ANO1: variants seen among roughly 807,000 people sequenced by gnomAD.
The protein encoded by ANO1 is anoctamin 1, also known as anoctamin-1.
In ANO1, 59 loss-of-function variants were observed where a neutral mutation model predicts 124.0. The ratio of observed to expected loss-of-function variants is 0.48; its 90% CI spans 0.39 to 0.59. The LOEUF is 0.59. Ranked by LOEUF, ANO1 falls within the 20% of genes least tolerant of loss-of-function variation. The pLI, the probability that ANO1 is intolerant of heterozygous loss-of-function variation, is 0.00. For synonymous variants in ANO1, 529 were observed against 532.0 expected, an observed-to-expected ratio of 0.99 and a Z score of 0.08; for missense variants, 1,059 against 1,328.0, an observed-to-expected ratio of 0.80 and a Z score of 3.15.
chr11:70,017,834 T>A (rs1042768049), intron 1 of ANO1, among the ~76,000 whole-genome samples: 73 of 152,238 alleles, frequency 4.8e-4, no homozygotes, highest in Admixed American at 9.2e-4. Context: ...TTCCCATTTT[T>A]AATGAAGCCT....
chr11:70,060,878 T>G (rs1429346668), intron 1 of ANO1, among the ~76,000 whole-genome samples: 5 of 152,112 alleles, frequency 3.3e-5, no homozygotes, highest in Non-Finnish European at 5.9e-5. Context: ...AGTGCTAGTG[T>G]GGGAGTTGTC....
intron 1 of ANO1, among the ~76,000 whole-genome samples, chr11:70,067,697 G>C (rs1555008804): frequency 6.6e-6 from 1 of 152,146 alleles, no homozygotes; most frequent in Non-Finnish European, 1.5e-5. Flanking sequence ...CAGGCACCCG[G>C]TGGATGCACA....
At chr11:70,049,641 T>C (rs1404092546) in intron 1 of ANO1, among the ~76,000 whole-genome samples, 3 of 152,222 alleles carry the variant, frequency 2.0e-5, no homozygotes, top group Admixed American at 1.3e-4. Context: ...AACGAATAAG[T>C]AAGCAATATG....
At chr11:70,033,191 A>T (rs1591047297) in intron 1 of ANO1, among the ~76,000 whole-genome samples, 1 of 151,958 alleles carries the variant, frequency 6.6e-6, no homozygotes. Context: ...TTCTCATCAG[A>T]CCCTGCCAAG....
intron 23 of ANO1, among the ~76,000 whole-genome samples, chr11:70,180,743 C>G (rs953585059): frequency 2.6e-5 from 4 of 152,136 alleles, no homozygotes; most frequent in Non-Finnish European, 5.9e-5. Context: ...CACAGAGATT[C>G]CTTATTGGCA....
chr11:70,035,508 A>G (rs1218634715), intron 1 of ANO1, among the ~76,000 whole-genome samples: 1 of 142,626 alleles, frequency 7.0e-6, no homozygotes, highest in Non-Finnish European at 1.5e-5. Flanking sequence ...CTGGTAGCCC[A>G]GTAAGCTGTT....
the ANO1 span, among the ~76,000 whole-genome samples, chr11:69,973,976 GA>G: frequency 6.6e-6 from 1 of 152,048 alleles, no homozygotes; most frequent in African/African-American, 2.4e-5. Flanking sequence ...AAGTTCACAG[GA>G]AAAAATGAGG....
chr11:69,966,469 G>A, the ANO1 span, among the ~76,000 whole-genome samples: 6 of 152,318 alleles, frequency 3.9e-5, no homozygotes, highest in South Asian at 4.1e-4. Flanking sequence ...CCCCCGCCAC[G>A]CCACCTCACC....
chr11:70,030,293 G>A (rs782719578), intron 1 of ANO1, among the ~76,000 whole-genome samples: 14 of 152,204 alleles, frequency 9.2e-5, no homozygotes, highest in African/African-American at 2.2e-4. Flanking sequence ...TGTGGCTGCC[G>A]GGGATGAGGA....
chr11:70,039,944 C>T (rs1591051293), intron 1 of ANO1, among the ~76,000 whole-genome samples: 1 of 152,260 alleles, frequency 6.6e-6, no homozygotes, highest in East Asian at 1.9e-4. Flanking sequence ...AGAAAGAACT[C>T]AAGCCTCTGC....
At chr11:70,101,585 CAAA>C (rs71463659) in intron 2 of ANO1, among the ~76,000 whole-genome samples, 6 of 75,894 alleles carry the variant, frequency 7.9e-5, no homozygotes, top group African/African-American at 1.7e-4. Flanking sequence ...GATTAAAAAC[CAAA>C]AAAAAAAAAA....
At chr11:70,180,861 G>A (rs998538616) in intron 23 of ANO1, among the ~76,000 whole-genome samples, 8 of 152,196 alleles carry the variant, frequency 5.3e-5, no homozygotes, top group African/African-American at 1.9e-4. Context: ...GGGGCGAGAA[G>A]GGAGCACTCA....
chr11:70,035,658 G>A (rs1370090944), intron 1 of ANO1, among the ~76,000 whole-genome samples: 5 of 152,016 alleles, frequency 3.3e-5, no homozygotes, highest in African/African-American at 1.2e-4. Context: ...GCATGCATTA[G>A]GTATTTGTCC....
At chr11:70,103,208 G>C (rs766202862) in intron 3 of ANO1, 44 bp downstream of exon 3, 1 of 1,509,088 alleles carries the variant, frequency 6.6e-7, no homozygotes, top group Non-Finnish European at 9.0e-7. Flanking sequence ...GCCAAGTCTA[G>C]AGGTCACTTG....
intron 7 of ANO1, among the ~76,000 whole-genome samples, chr11:70,113,671 C>A (rs182230528): frequency 6.6e-6 from 1 of 152,180 alleles, no homozygotes; most frequent in East Asian, 1.9e-4. Flanking sequence ...GCTGAGGCAC[C>A]GAAGCCAAAA....
At chr11:70,167,089 G>A (rs2048283310) in intron 20 of ANO1, among the ~76,000 whole-genome samples, 153 bp from the exon 21 acceptor site, 2 of 152,230 alleles carry the variant, frequency 1.3e-5, no homozygotes, top group African/African-American at 4.8e-5. Context: ...AGAGGTTGCA[G>A]TGAGCTGAGA....
chr11:70,055,910 A>G (rs1857425407), intron 1 of ANO1, among the ~76,000 whole-genome samples: 1 of 152,102 alleles, frequency 6.6e-6, no homozygotes, highest in African/African-American at 2.4e-5. Context: ...CAATATTTAC[A>G]CCACCTTTGG....
intron 1 of ANO1, among the ~76,000 whole-genome samples, chr11:69,990,870 T>C (rs563581684): frequency 3.3e-4 from 51 of 152,368 alleles, no homozygotes; most frequent in African/African-American, 1.2e-3. Flanking sequence ...ATTAAACTTT[T>C]ATCAGCTGAA....
At position 70,078,697 on chromosome 11, in the gene ANO1, C is replaced by A; in HGVS notation, c.91C>A (p.Leu31Met). 6.7e-7 allele frequency: 1 copy of A among 1,486,770 alleles called. No individual in the cohort carries two copies. Among genetic ancestry groups the A allele is most frequent in the Non-Finnish European group, 9.0e-7 (1 of 1,106,964 alleles). The allele number at this position is 1,486,770 out of a possible 1,614,324, so 92.1% of individuals were successfully genotyped here. ...NICAIEDIGY[L>M]PSEGTLLNSL... ...CTGCGCCATCGAGGACATCGGCTAC[C>A]TGCCGTCCGAGGGCACGGTGAGTGC... is the stretch of plus-strand genomic sequence containing the variant. The change falls in exon 1 of 26, where the codon CTG becomes ATG. Residue 31 changes from leucine (L) to methionine (M), a missense_variant. Around this residue, in one of 2 missense-constraint regions of ANO1, gnomAD observed 250 missense variants for 233.1 expected, o/e 1.07. Transcript: ENST00000355303.
Sources: gnomAD v4.1 joint callset for allele counts (sites outside exome capture counted in the v4.1 genomes callset) on GRCh38, gnomAD v4.1.1 for gene constraint, gnomAD v4.1.1 regional missense constraint, MANE v1.5 for transcripts, NCBI Gene and HGNC (gene_info 2026-07-23, HGNC 2026-07-21) for gene names.